The following HDAC5 variants were observed in gnomAD, a reference collection of about 807,000 sequenced individuals.
The protein encoded by HDAC5 is histone deacetylase 5.
In HDAC5, 25 loss-of-function variants were observed where a neutral mutation model predicts 133.3. That is an observed-to-expected ratio of 0.19 (90% CI 0.14 to 0.26). HDAC5 has a LOEUF of 0.26. Among genes scored for constraint, HDAC5 ranks in the 10% least tolerant of loss-of-function variants. The pLI, the probability that HDAC5 is intolerant of heterozygous loss-of-function variation, is 1.00. For synonymous variants in HDAC5, 589 were observed against 610.8 expected, an observed-to-expected ratio of 0.96 and a Z score of 0.53; for missense variants, 1,041 against 1,460.5, an observed-to-expected ratio of 0.71 and a Z score of 4.68.
intron 16 of HDAC5, 90 bp from the exon 17 acceptor site, chr17:44,083,944 T>C: frequency 1.0e-6 from 1 of 987,520 alleles, no homozygotes; most frequent in South Asian, 1.3e-5. Context: ...GACAACATGA[T>C]GAAACCCCAT....
At chr17:44,084,795 A>G (rs2050570199) in intron 15 of HDAC5, 120 bp from the exon 16 acceptor site, 1 of 1,378,500 alleles carries the variant, frequency 7.3e-7, no homozygotes, top group Non-Finnish European at 1.0e-6. Context: ...ATATTTTCAG[A>G]AAGTAGATCC....
Position 44,082,793 on chromosome 17 carries a change from C to T in HDAC5, c.2491G>A (p.Gly831Arg). 6.4e-7 allele frequency: 1 copy of T among 1,559,932 alleles called. No homozygotes were observed. The highest frequency in any genetic ancestry group is 8.7e-7 in the Non-Finnish European group (1 of 1,151,156). The change falls in exon 19 of 27, where the codon GGA (glycine) becomes AGA (arginine). Residue 831 changes from glycine (G) to arginine (R), a missense_variant. This residue lies in a region of HDAC5 where 174 missense variants were observed against 352.7 expected (regional missense o/e 0.49). Transcript: ENST00000682912. ...KNGFAIIRPPGHHAEESTAMG... is the reference protein window; with the variant it reads ...KNGFAIIRPPRHHAEESTAMG... ...GCTGTGGATTCCTCGGCGTGGTGTC[C>T]TGGGGGCCGGATGATGGCAAATCCA...
chr17:44,089,743 G>A (rs1479014869), intron 11 of HDAC5, among the ~76,000 whole-genome samples: 5 of 61,018 alleles, frequency 8.2e-5, no homozygotes, highest in Non-Finnish European at 1.2e-4. Flanking sequence ...GTGAAACTTC[G>A]TCTCAAAAAA....
intron 3 of HDAC5, among the ~76,000 whole-genome samples, chr17:44,101,082 C>T (rs1009087391): frequency 1.3e-5 from 2 of 150,198 alleles, no homozygotes; most frequent in Non-Finnish European, 3.0e-5. Flanking sequence ...AGCCACTGCG[C>T]CTGGCCTAAA....
chr17:44,096,723 G>T (rs1041479875), intron 3 of HDAC5, among the ~76,000 whole-genome samples: 2 of 151,878 alleles, frequency 1.3e-5, no homozygotes, highest in East Asian at 3.9e-4. Flanking sequence ...TGATCCGCTC[G>T]CCTCGGCCTC....
intron 3 of HDAC5, among the ~76,000 whole-genome samples, chr17:44,101,947 T>C (rs1383391453): frequency 1.3e-5 from 2 of 152,206 alleles, no homozygotes; most frequent in Admixed American, 6.5e-5. Context: ...TGAGCCCCCT[T>C]CTCTCCTTGG....
At chr17:44,110,839 A>T in intron 2 of HDAC5, 39 bp from the exon 3 acceptor site, 1 of 1,550,236 alleles carries the variant, frequency 6.5e-7, no homozygotes, top group Non-Finnish European at 8.8e-7. Context: ...GATGGTCTGC[A>T]GCATCTCCAC....
intron 2 of HDAC5, chr17:44,111,136 A>G (rs748837104): frequency 1.5e-5 from 6 of 409,830 alleles, no homozygotes; most frequent in Non-Finnish European, 2.4e-5. Flanking sequence ...AGCACTTGGG[A>G]CAGGAAGGGG....
rs1379349662 is a variant in HDAC5, at chr17:44,092,697, CGTCTCGACT to C, written c.742_750del (p.Ser248_Asp250del). The C allele has an allele frequency of 6.6e-7, 1 of 1,515,404 alleles. No individual in the cohort carries two copies. The highest frequency in any genetic ancestry group is 8.8e-7 in the Non-Finnish European group (1 of 1,131,100). The allele number at this position is 1,515,404 out of a possible 1,614,324, so 93.9% of individuals were successfully genotyped here. On this transcript the variant is annotated inframe_deletion, in exon 7 of 27. Coordinates refer to ENST00000682912, the MANE Select transcript of HDAC5 (RefSeq NM_005474.5). ...TCACCTGTTTTGCGGAGGGGGAAGT[CGTCTCGACT>C]GTCGTAGGGCCCAGGCAAAGGCAGT...
chr17:44,119,296 TG>T (rs2052840564), intron 1 of HDAC5, among the ~76,000 whole-genome samples: 1 of 152,216 alleles, frequency 6.6e-6, no homozygotes, highest in African/African-American at 2.4e-5. Flanking sequence ...TCCCGTGGGC[TG>T]GGGAACACAG....
intron 14 of HDAC5, chr17:44,085,431 C>A: frequency 3.5e-6 from 1 of 284,818 alleles, no homozygotes; most frequent in Non-Finnish European, 6.5e-6. Flanking sequence ...CCACTGCCCC[C>A]ACCACCCTGG....
At position 44,091,297 on chromosome 17, in the gene HDAC5, C is replaced by G; in HGVS notation, c.1360G>C (p.Ala454Pro). The change falls in exon 11 of 27, where the codon GCC (alanine) becomes CCC (proline). Residue 454 changes from alanine (A) to proline (P), a missense_variant. By Grantham distance (27) the Ala-to-Pro change is conservative. Around this residue, in one of 9 missense-constraint regions of HDAC5, gnomAD observed 433 missense variants for 531.6 expected, o/e 0.81. Transcript: ENST00000682912. ...GCAATGAGGGTGCTCTGCTGCCGGG[C>G]CTGCTCCAGCAACAGCACATGCTGC... ...LLQHVLLLEQ[A>P]RQQSTLIAVP... is the part of the protein sequence containing the mutation. 1 of 1,611,756 alleles carries G rather than the reference C, an allele frequency of 6.2e-7. No homozygotes were observed. Among genetic ancestry groups the G allele is most frequent in the South Asian group, 1.1e-5 (1 of 90,870 alleles).
rs1227186001 is a variant in HDAC5, at chr17:44,093,322, C to T, written c.518G>A (p.Ser173Asn). The stretch of plus-strand genomic sequence containing the variant: ...AGGAGGCCCTGCCTTACTCTCTTTG[C>T]TCTTCTCCTTGTTCCGCAGGATGAG... ...QLLILRNKEK[S>N]KESAIASTEV... The change falls in exon 5 of 27, where the codon AGC (serine) becomes AAC (asparagine). Residue 173 changes from serine to asparagine, a missense_variant. This residue lies in a region of HDAC5 where 109 missense variants were observed against 168.0 expected (regional missense o/e 0.65). Coordinates refer to ENST00000682912, the MANE Select transcript of HDAC5 (RefSeq NM_005474.5). 6.3e-7 allele frequency: 1 copy of T among 1,592,084 alleles called. No homozygotes were observed. The highest frequency in any genetic ancestry group is 2.3e-5 in the East Asian group (1 of 44,444).
At chr17:44,100,578 C>CA (rs869274112) in intron 3 of HDAC5, among the ~76,000 whole-genome samples, 3,465 of 89,240 alleles carry the variant, frequency 0.039, 230 homozygotes, top group African/African-American at 0.15. Flanking sequence ...ACTAAAGATA[C>CA]AAAAAAAAAA....
intron 2 of HDAC5, among the ~76,000 whole-genome samples, chr17:44,115,684 A>G (rs2052603936): frequency 6.6e-6 from 1 of 152,226 alleles, no homozygotes; most frequent in Admixed American, 6.5e-5. Context: ...ATCCCCAAGC[A>G]GTGGCCCCAG....
intron 11 of HDAC5, 53 bp from the exon 12 acceptor site, chr17:44,088,651 C>A: frequency 6.4e-7 from 1 of 1,574,440 alleles, no homozygotes; most frequent in Non-Finnish European, 8.7e-7. Flanking sequence ...CCTGACTGCC[C>A]TCCCACCGAC....
intron 3 of HDAC5, among the ~76,000 whole-genome samples, chr17:44,108,989 G>A (rs2052168831): frequency 6.6e-6 from 1 of 152,118 alleles, no homozygotes; most frequent in Non-Finnish European, 1.5e-5. Flanking sequence ...TGGACAGAGG[G>A]GCTGCCTGGG....
Position 44,103,164 on chromosome 17 carries a change from C to T in HDAC5, c.94+7565G>A, listed in dbSNP as rs866745067. ...TGGCCTGAGGGAGTTTGGAAGGAGG[C>T]GGAGAACAACATTTCACACCCTGAG... On this transcript the variant is annotated intron_variant, in intron 3 of 26. Coordinates refer to ENST00000682912, the MANE Select transcript of HDAC5 (RefSeq NM_005474.5). Among the ~76,000 whole-genome samples the T allele has an allele frequency of 2.7e-4, 41 of 152,178 alleles. 1 individual carries two copies. In the Middle Eastern group the frequency reaches 0.031, roughly 114 times the overall value.
intron 11 of HDAC5, 94 bp from the exon 12 acceptor site, chr17:44,088,692 C>A (rs777269867): frequency 6.7e-7 from 1 of 1,500,562 alleles, no homozygotes; most frequent in Non-Finnish European, 9.0e-7. Context: ...CCCCCTCTGG[C>A]ATATCACCAC....
Sources: gnomAD v4.1 joint callset for allele counts (sites outside exome capture counted in the v4.1 genomes callset) on GRCh38, gnomAD v4.1.1 for gene constraint, gnomAD v4.1.1 regional missense constraint, MANE v1.5 for transcripts, NCBI Gene and HGNC (gene_info 2026-07-23, HGNC 2026-07-21) for gene names.